UBR3: variants seen among roughly 807,000 people sequenced by gnomAD.
UBR3 encodes the protein E3 ubiquitin-protein ligase UBR3.
In UBR3, 85 loss-of-function variants were observed where a neutral mutation model predicts 243.2. The observed-to-expected ratio is 0.35, with a 90% CI of 0.29 to 0.42. UBR3 has a LOEUF of 0.42. UBR3 is among the 10% of genes least tolerant of loss of function. UBR3 has a pLI of 1.00. For missense variants in UBR3, 1,686 were observed against 2,300.8 expected, an observed-to-expected ratio of 0.73 and a Z score of 5.47; for synonymous variants, 748 against 799.8, an observed-to-expected ratio of 0.94 and a Z score of 1.09.
At chr2:169,874,044 C>G (rs2083517490) in intron 2 of UBR3, among the ~76,000 whole-genome samples, 1 of 151,924 alleles carries the variant, frequency 6.6e-6, no homozygotes. Context: ...TATCTGAAAA[C>G]ACGAAGGAAA....
chr2:169,890,569 A>ATATATATATGTGTATATATATG (rs1415148340), intron 5 of UBR3, among the ~76,000 whole-genome samples: 1 of 101,542 alleles, frequency 9.8e-6, no homozygotes, highest in Admixed American at 1.0e-4. Context: ...ATATATGTGT[A>ATATATATATGTGTATATATATG]TATATATATA....
At chr2:169,949,564 A>T (rs781569257) in intron 22 of UBR3, 41 bp from the exon 23 acceptor site, 2 of 1,457,514 alleles carry the variant, frequency 1.4e-6, no homozygotes, top group Non-Finnish European at 1.8e-6. Context: ...ATGCTAAATA[A>T]CTTCTCTTGA....
chr2:169,880,448 C>G (rs1412002310), intron 5 of UBR3, among the ~76,000 whole-genome samples: 1 of 152,128 alleles, frequency 6.6e-6, no homozygotes, highest in Non-Finnish European at 1.5e-5. Flanking sequence ...AACACAGATG[C>G]CTTCTCCTCT....
At chr2:169,869,814 T>C (rs889153483) in intron 1 of UBR3, among the ~76,000 whole-genome samples, 1 of 152,222 alleles carries the variant, frequency 6.6e-6, no homozygotes, top group Non-Finnish European at 1.5e-5. Context: ...GTTTGGTACT[T>C]GTTTTGTGAA....
chr2:169,843,939 G>A (rs932894447), intron 1 of UBR3, among the ~76,000 whole-genome samples: 1 of 151,492 alleles, frequency 6.6e-6, no homozygotes, highest in African/African-American at 2.4e-5. Flanking sequence ...GTTGTTGGAA[G>A]CTTTTTAGCT....
chr2:170,081,703 C>CT (rs549896616), intron 38 of UBR3, 23 bp from the exon 39 acceptor site: 599 of 1,495,576 alleles, frequency 4.0e-4, no homozygotes, highest in East Asian at 8.1e-4. Flanking sequence ...GATATTAATA[C>CT]TTTTTTTTTC....
At chr2:169,987,418 A>C (rs1215069314) in intron 25 of UBR3, among the ~76,000 whole-genome samples, 3 of 150,710 alleles carry the variant, frequency 2.0e-5, no homozygotes, top group South Asian at 4.2e-4. Context: ...ACAAAAAAAA[A>C]ACAAAAACAA....
chr2:170,007,666 C>T (rs1365983010), intron 28 of UBR3, among the ~76,000 whole-genome samples: 2 of 152,050 alleles, frequency 1.3e-5, no homozygotes, highest in Non-Finnish European at 2.9e-5. Flanking sequence ...GAGTTTGAAA[C>T]CAGCCTGACC....
rs1437010304 is a variant in UBR3 at position 170,073,498 on chromosome 2, C to G, written c.5090C>G (p.Pro1697Arg). ...CCAACGTTTTACCAAACAGAACATC[C>G]ATTCATCAGTGCCTCCTGTCTGGAT... ...LLPTFYQTEH[P>R]FISASCLDWP... The change falls in exon 36 of 39, where the codon CCA becomes CGA. Residue 1697 changes from proline to arginine, a missense_variant. By Grantham distance (103) the Pro-to-Arg change is moderately radical. This residue lies in a region of UBR3 where 371 missense variants were observed against 422.5 expected (regional missense o/e 0.88). Transcript: ENST00000272793. 1 of 1,613,840 alleles carries G rather than the reference C, an allele frequency of 6.2e-7. No individual in the cohort carries two copies. The highest frequency in any genetic ancestry group is 1.7e-5 in the Admixed American group (1 of 60,006).
intron 32 of UBR3, among the ~76,000 whole-genome samples, chr2:170,051,086 T>C (rs2091206171): frequency 6.6e-6 from 1 of 152,086 alleles, no homozygotes; most frequent in Admixed American, 6.5e-5. Flanking sequence ...TAGGGCATAA[T>C]GAGAAGGGCA....
intron 30 of UBR3, among the ~76,000 whole-genome samples, chr2:170,019,989 C>G (rs183675027): frequency 1.6e-3 from 245 of 152,100 alleles, no homozygotes; most frequent in Non-Finnish European, 2.6e-3. Context: ...CTATGTTGAC[C>G]AGGCTGGTCT....
intron 6 of UBR3, 100 bp downstream of exon 6, chr2:169,891,331 G>C: frequency 1.2e-6 from 1 of 807,948 alleles, no homozygotes; most frequent in Non-Finnish European, 2.0e-6. Flanking sequence ...TGACATCAAA[G>C]CTGTTTGAAG....
intron 26 of UBR3, among the ~76,000 whole-genome samples, chr2:169,996,608 C>T (rs1227415050): frequency 6.6e-6 from 1 of 150,648 alleles, no homozygotes; most frequent in African/African-American, 2.4e-5. Context: ...GTAGCAGTCT[C>T]TGTATGTGTG....
intron 1 of UBR3, among the ~76,000 whole-genome samples, chr2:169,863,643 A>C (rs1166403245): frequency 1.3e-5 from 2 of 152,104 alleles, no homozygotes; most frequent in Admixed American, 6.6e-5. Context: ...TCTCTTGTTC[A>C]CTTGGGGAGA....
At chr2:169,976,674 G>A (rs1417610652) in intron 24 of UBR3, among the ~76,000 whole-genome samples, 1 of 152,036 alleles carries the variant, frequency 6.6e-6, no homozygotes, top group Non-Finnish European at 1.5e-5. Flanking sequence ...CTTTTCTCTT[G>A]CTGTTTTTAG....
At chr2:169,911,960 C>A (rs912801739) in intron 10 of UBR3, among the ~76,000 whole-genome samples, 1 of 151,938 alleles carries the variant, frequency 6.6e-6, no homozygotes, top group Non-Finnish European at 1.5e-5. Context: ...GTAAGGTGAC[C>A]AGGTAAGTGA....
chr2:169,916,561 C>T (rs1413680796), intron 11 of UBR3, among the ~76,000 whole-genome samples: 3 of 152,086 alleles, frequency 2.0e-5, no homozygotes, highest in African/African-American at 7.2e-5. Context: ...GAAACTCCCG[C>T]ACCAGACTCC....
At chr2:170,020,296 A>T (rs1222910022) in intron 30 of UBR3, among the ~76,000 whole-genome samples, 2 of 152,180 alleles carry the variant, frequency 1.3e-5, no homozygotes, top group African/African-American at 4.8e-5. Flanking sequence ...TAATACAAAA[A>T]TGTGTAAATT....
rs1558999159 is a variant in UBR3, at chr2:169,836,067, A to ATATT, written c.545+8016_545+8017insATTT. ...TCTATATATATATATATATATATAT[A>ATATT]TTTTTTTTTTTTTTTTTTTTTTTTT... On this transcript the variant is annotated intron_variant, in intron 1 of 38. Transcript: ENST00000272793. 8.0e-4 allele frequency among the ~76,000 whole-genome samples: 26 copies of ATATT among 32,660 alleles called. 3 individuals carry two copies. The highest frequency in any genetic ancestry group is 9.7e-4 in the Non-Finnish European group (19 of 19,546). The allele number at this position is 32,660 out of a possible 152,430, so 21.4% of individuals were successfully genotyped here. A position where few individuals can be genotyped will look rare whatever the true frequency, so the allele number is the denominator to read the frequency against.
Sources: gnomAD v4.1 joint callset for allele counts (sites outside exome capture counted in the v4.1 genomes callset) on GRCh38, gnomAD v4.1.1 for gene constraint, gnomAD v4.1.1 regional missense constraint, MANE v1.5 for transcripts, NCBI Gene and HGNC (gene_info 2026-07-23, HGNC 2026-07-21) for gene names.